The following RBM20 variants were observed in gnomAD, a reference collection of about 807,000 sequenced individuals.
RBM20 encodes RNA binding motif protein 20.
RBM20 carries 51 observed loss-of-function variants against 110.1 expected under a neutral mutation model. That is an observed-to-expected ratio of 0.46 (90% CI 0.37 to 0.59). The LOEUF (loss-of-function observed/expected upper bound fraction) is 0.59, where lower values mean the gene tolerates loss of function less well. Among genes scored for constraint, RBM20 ranks in the 20% least tolerant of loss-of-function variants. The pLI, the probability that RBM20 is intolerant of heterozygous loss-of-function variation, is 0.00. For missense variants in RBM20, 1,512 were observed against 1,574.9 expected (o/e 0.96, Z 0.68); for synonymous variants, 589 against 618.2 (o/e 0.95, Z 0.70).
chr10:110,779,368 G>A (rs943142704), intron 1 of RBM20, among the ~76,000 whole-genome samples: 5 of 152,216 alleles, frequency 3.3e-5, no homozygotes, highest in African/African-American at 9.7e-5. Flanking sequence ...TTCCTGGAGA[G>A]GGGGGTGCCC....
At chr10:110,759,050 T>C (rs1843959034) in intron 1 of RBM20, among the ~76,000 whole-genome samples, 1 of 152,242 alleles carries the variant, frequency 6.6e-6, no homozygotes, top group Non-Finnish European at 1.5e-5. Context: ...CTATTTCCTT[T>C]CCTAGGAAGG....
intron 1 of RBM20, among the ~76,000 whole-genome samples, chr10:110,656,466 A>G (rs55778868): frequency 0.23 from 34,195 of 150,616 alleles, 5,250 homozygotes; most frequent in Middle Eastern, 0.35. Flanking sequence ...GTATGTACTC[A>G]TGTGTGTGTG....
Position 110,797,503 on chromosome 10 carries a change from A to G in RBM20, c.1528-5A>G, listed in dbSNP as rs1326849639. 7.7e-6 allele frequency: 12 copies of G among 1,548,952 alleles called. No individual in the cohort carries two copies. The Admixed American group carries it at 2.0e-4, about 25-fold the overall frequency. ...AATACCACTAATGATCTTTGTTCCC[A>G]TTAGTTTGCACAGCGGAAAGGGGCT... On this transcript the variant is annotated splice_region_variant and splice_polypyrimidine_tract_variant and intron_variant, in intron 5 of 13. Coordinates refer to ENST00000369519, the MANE Select transcript of RBM20 (RefSeq NM_001134363.3).
chr10:110,740,398 G>C (rs1025354786), intron 1 of RBM20, among the ~76,000 whole-genome samples: 1 of 152,164 alleles, frequency 6.6e-6, no homozygotes, highest in Non-Finnish European at 1.5e-5. Flanking sequence ...GTGGCCCCTG[G>C]GGTAGTACCA....
At chr10:110,698,306 G>T (rs1159788900) in intron 1 of RBM20, among the ~76,000 whole-genome samples, 2 of 152,180 alleles carry the variant, frequency 1.3e-5, no homozygotes, top group Non-Finnish European at 2.9e-5. Context: ...CTGAGCTTAT[G>T]GCAGATACCC....
chr10:110,805,831 C>T (rs1197245447), intron 7 of RBM20, among the ~76,000 whole-genome samples: 2 of 152,162 alleles, frequency 1.3e-5, no homozygotes, highest in East Asian at 3.8e-4. Context: ...TAGTTGGTCC[C>T]TTGTGGGGCT....
intron 1 of RBM20, among the ~76,000 whole-genome samples, chr10:110,685,230 G>A (rs938091800): frequency 6.6e-6 from 1 of 152,150 alleles, no homozygotes; most frequent in Non-Finnish European, 1.5e-5. Flanking sequence ...AAAGCGTATC[G>A]CTGATTGCAC....
chr10:110,738,905 A>G (rs7085761), intron 1 of RBM20, among the ~76,000 whole-genome samples: 19,332 of 151,976 alleles, frequency 0.13, 1,476 homozygotes, highest in African/African-American at 0.22. Context: ...TGGTCTGAGA[A>G]CTCTCCAGAT....
At chr10:110,706,411 C>T (rs971158089) in intron 1 of RBM20, among the ~76,000 whole-genome samples, 1 of 152,252 alleles carries the variant, frequency 6.6e-6, no homozygotes, top group Non-Finnish European at 1.5e-5. Flanking sequence ...TCTGGGACAG[C>T]CCTGGACCTT....
At chr10:110,795,943 T>C (rs376284373) in intron 5 of RBM20, among the ~76,000 whole-genome samples, 41 of 152,200 alleles carry the variant, frequency 2.7e-4, no homozygotes, top group Admixed American at 1.3e-3. Context: ...GACCCCAAGG[T>C]TTGACCAGAA....
In RBM20 at chr10:110,767,169, C is replaced by T. The variant is rs1159701524; in HGVS notation, c.192-13632C>T. ...TGGCTGGCCGGGCGGGGGGCTGACC[C>T]CCCCCACCTCCCTCCCAGACGGGGC... On this transcript the variant is annotated intron_variant, in intron 1 of 13. Coordinates refer to ENST00000369519, the MANE Select transcript of RBM20 (RefSeq NM_001134363.3). Among the ~76,000 whole-genome samples the T allele has an allele frequency of 5.6e-5, 7 of 125,494 alleles. No homozygotes were observed. The East Asian group carries it at 1.6e-3, about 28-fold the overall frequency. The allele number at this position is 125,494 out of a possible 152,430, so 82.3% of individuals were successfully genotyped here. A position where few individuals can be genotyped will look rare whatever the true frequency, so the allele number is the denominator to read the frequency against.
At chr10:110,740,775 T>A (rs948081157) in intron 1 of RBM20, among the ~76,000 whole-genome samples, 4 of 152,174 alleles carry the variant, frequency 2.6e-5, no homozygotes, top group Admixed American at 1.3e-4. Flanking sequence ...TGTGAAAACA[T>A]ACAAAGACAC....
At chr10:110,650,340 A>G (rs190687491) in intron 1 of RBM20, among the ~76,000 whole-genome samples, 126 of 152,360 alleles carry the variant, frequency 8.3e-4, no homozygotes, top group African/African-American at 2.6e-3. Flanking sequence ...CAACTTTTCC[A>G]ACTTGCTGAC....
At chr10:110,694,982 G>T (rs954352279) in intron 1 of RBM20, among the ~76,000 whole-genome samples, 5 of 152,104 alleles carry the variant, frequency 3.3e-5, no homozygotes, top group East Asian at 1.9e-4. Flanking sequence ...GTGGTTCAAA[G>T]GTTGTGTCCT....
rs769949464 is a variant in RBM20 at position 110,821,449 on chromosome 10, G to A, written c.2830G>A (p.Glu944Lys). The change falls in exon 11 of 14, where the codon GAA (glutamate) becomes AAA (lysine). Residue 944 changes from glutamate (E) to lysine (K), a missense_variant. By Grantham distance (56) the Glu-to-Lys change is moderately conservative (BLOSUM62 1). This residue lies in a region of RBM20 where 358 missense variants were observed against 384.2 expected (regional missense o/e 0.93). Coordinates refer to ENST00000369519, the MANE Select transcript of RBM20 (RefSeq NM_001134363.3). ...TGACCAGAAAGACAAAATTTGCCCA[G>A]AAACATGTCTGTGTGTGACAACCAC... The part of the protein sequence containing the change: ...PIDQKDKICP[E>K]TCLCVTTTLD... The A allele has an allele frequency of 1.3e-6, 2 of 1,551,798 alleles. No individual in the cohort carries two copies. The highest frequency in any genetic ancestry group is 2.4e-5 in the South Asian group (2 of 84,068).
chr10:110,770,172 G>A (rs190826191), intron 1 of RBM20, among the ~76,000 whole-genome samples: 1 of 152,238 alleles, frequency 6.6e-6, no homozygotes, highest in East Asian at 1.9e-4. Flanking sequence ...CAGAGATGAG[G>A]GTGTAGGTGG....
chr10:110,825,304 G>A (rs1005723339), intron 12 of RBM20, among the ~76,000 whole-genome samples: 2 of 152,258 alleles, frequency 1.3e-5, no homozygotes, highest in African/African-American at 2.4e-5. Context: ...CAAGTCTCTT[G>A]TCATCCAAGA....
chr10:110,648,647 CA>C (rs1437947305), intron 1 of RBM20, among the ~76,000 whole-genome samples: 1 of 151,724 alleles, frequency 6.6e-6, no homozygotes, highest in Non-Finnish European at 1.5e-5. Context: ...TTAAACTGCA[CA>C]TAAGACAAGC....
At chr10:110,643,513 G>A (rs531524107), upstream of RBM20, among the ~76,000 whole-genome samples, 238 of 152,368 alleles carry the variant, frequency 1.6e-3, no homozygotes, top group Non-Finnish European at 2.8e-3. Context: ...GACGGTGACC[G>A]TACGTTGTCG....
Sources: allele counts gnomAD v4.1 joint callset (sites outside exome capture counted in the v4.1 genomes callset), GRCh38; gene constraint gnomAD v4.1.1; regional missense constraint gnomAD v4.1.1; transcripts MANE v1.5; gene names NCBI Gene and HGNC (gene_info 2026-07-23, HGNC 2026-07-21).